The following FGF14 variants were observed in gnomAD, a reference collection of about 807,000 sequenced individuals.
The protein encoded by FGF14 is fibroblast growth factor 14, also known as fibroblast growth factor homologous factor 4.
In FGF14, 5 loss-of-function variants were observed where a neutral mutation model predicts 25.5. That is an observed-to-expected ratio of 0.20 (90% confidence interval 0.10 to 0.41). FGF14 has a LOEUF of 0.41. FGF14 is among the 10% of genes least tolerant of loss of function. The pLI is 1.00. For synonymous variants in FGF14, 138 were observed against 118.3 expected, an observed-to-expected ratio of 1.17 and a Z score of -1.08; for missense variants, 222 against 320.1, an observed-to-expected ratio of 0.69 and a Z score of 2.34.
In FGF14 at chr13:102,352,674, C is replaced by T. The variant is rs529928574; in HGVS notation, c.208+48797G>A. ...AAAAATACAAAAAATTAGCCGGGGG[C>T]GGTGGTGGGCGCCTGTAGTCCCAGC... On this transcript the variant is annotated intron_variant, in intron 1 of 4. Transcript: ENST00000376131. 5.3e-5 allele frequency among the ~76,000 whole-genome samples: 8 copies of T among 151,844 alleles called. No homozygotes were observed. In the East Asian group the frequency reaches 7.7e-4, roughly 15 times the overall value.
chr13:101,855,202 C>T (rs1182738611), intron 3 of FGF14, among the ~76,000 whole-genome samples: 1 of 151,994 alleles, frequency 6.6e-6, no homozygotes, highest in Non-Finnish European at 1.5e-5. Context: ...TTTCTTAATA[C>T]ATTAACAGTG....
At position 101,965,669 on chromosome 13, in the gene FGF14, G is replaced by A. The variant is rs557078691; in HGVS notation, c.209-90373C>T. 1.0e-3 allele frequency among the ~76,000 whole-genome samples: 136 copies of A among 132,108 alleles called. No homozygotes were observed. In the Middle Eastern group the frequency reaches 0.012, roughly 11 times the overall value. 86.7% of individuals were successfully genotyped at this position (132,108 alleles called of 152,430 possible). ...AATGTGAGATCCTAAAAAGGATTTT[G>A]TGTTAGTTTTTTTTTTTTTGTAAGT... On this transcript the variant is annotated intron_variant, in intron 1 of 4. Transcript: ENST00000376131.
rs996353122 is a variant in FGF14 at position 101,873,115 on chromosome 13, A to T, written c.304+2071T>A. On this transcript the variant is annotated intron_variant, in intron 2 of 4. Coordinates refer to ENST00000376143, the MANE Select transcript of FGF14 (RefSeq NM_004115.4). ...TCCAGTTTAGTCTTTAAAATTATTC[A>T]GATAACCAGACCTGTATGTGTGCAC... 2.0e-5 allele frequency among the ~76,000 whole-genome samples: 3 copies of T among 152,064 alleles called. No individual in the cohort carries two copies. In the South Asian group the frequency reaches 6.2e-4, roughly 31 times the overall value.
chr13:102,103,495 C>T (rs2044756982), intron 1 of FGF14, among the ~76,000 whole-genome samples: 1 of 151,564 alleles, frequency 6.6e-6, no homozygotes, highest in African/African-American at 2.4e-5. Context: ...TACAGTGCAC[C>T]TCAGGTTATA....
At chr13:102,243,241 CT>C (rs2051691722) in intron 1 of FGF14, among the ~76,000 whole-genome samples, 1 of 152,102 alleles carries the variant, frequency 6.6e-6, no homozygotes, top group Admixed American at 6.6e-5. Context: ...TTTCTATCTT[CT>C]TTAAGTGACG....
At chr13:102,031,354 C>T (rs985750340) in intron 1 of FGF14, among the ~76,000 whole-genome samples, 2 of 152,038 alleles carry the variant, frequency 1.3e-5, no homozygotes, top group South Asian at 2.1e-4. Context: ...CCTCACAACG[C>T]GTTAGGTTTC....
intron 1 of FGF14, among the ~76,000 whole-genome samples, chr13:102,242,514 T>C (rs148928526): frequency 6.6e-6 from 1 of 152,132 alleles, no homozygotes; most frequent in African/African-American, 2.4e-5. Context: ...GCAAGAGAGA[T>C]AGAGAGAGAA....
chr13:101,834,203 C>T (rs2042812136), intron 3 of FGF14, among the ~76,000 whole-genome samples: 1 of 152,076 alleles, frequency 6.6e-6, no homozygotes, highest in Non-Finnish European at 1.5e-5. Context: ...TCTGATTTCA[C>T]AGGATTCATT....
intron 1 of FGF14, among the ~76,000 whole-genome samples, chr13:102,035,415 G>C (rs1168903480): frequency 2.0e-5 from 3 of 152,070 alleles, no homozygotes; most frequent in Non-Finnish European, 4.4e-5. Context: ...TATCTGTCCT[G>C]TCCTGCAACA....
rs2046672233 is a variant in FGF14, at chr13:102,142,236, T to A, written c.208+259235A>T. On this transcript the variant is annotated intron_variant, in intron 1 of 4. Transcript: ENST00000376131. ...AGCACAATACAGTTCACAAAACTGATCCCAAATCTTGCAAATATTAGATAT... is the reference window on the plus strand; with the variant it reads ...AGCACAATACAGTTCACAAAACTGAACCCAAATCTTGCAAATATTAGATAT... Among the ~76,000 whole-genome samples, 3 of 152,190 alleles carry A rather than the reference T, an allele frequency of 2.0e-5. No homozygotes were observed. In the South Asian group the frequency reaches 6.2e-4, roughly 32 times the overall value.
At chr13:101,912,240 T>C (rs2033018712) in intron 1 of FGF14, among the ~76,000 whole-genome samples, 2 of 152,170 alleles carry the variant, frequency 1.3e-5, no homozygotes, top group South Asian at 2.1e-4. Context: ...CCATTCCTTA[T>C]ACATACTGTA....
At chr13:102,089,178 T>A (rs2044060692) in intron 1 of FGF14, among the ~76,000 whole-genome samples, 1 of 152,144 alleles carries the variant, frequency 6.6e-6, no homozygotes, top group Non-Finnish European at 1.5e-5. Flanking sequence ...TTCATTTGAG[T>A]CTAGCGTATA....
At chr13:102,097,206 G>A (rs1181516070) in intron 1 of FGF14, among the ~76,000 whole-genome samples, 1 of 152,088 alleles carries the variant, frequency 6.6e-6, no homozygotes, top group Admixed American at 6.5e-5. Context: ...ACTCTAATTG[G>A]TTAGCATGTT....
At chr13:101,981,647 A>C (rs886465271) in intron 1 of FGF14, among the ~76,000 whole-genome samples, 10 of 91,748 alleles carry the variant, frequency 1.1e-4, no homozygotes, top group African/African-American at 1.9e-4. Flanking sequence ...CATAATTAAA[A>C]AACAACAACA....
Position 102,177,539 on chromosome 13 carries a change from T to C in FGF14, c.208+223932A>G, listed in dbSNP as rs149766776. Among the ~76,000 whole-genome samples, 227 of 152,304 alleles carry C rather than the reference T, an allele frequency of 1.5e-3. 1 individual carries two copies. The highest frequency in any genetic ancestry group is 5.0e-3 in the African/African-American group (209 of 41,578). On this transcript the variant is annotated intron_variant, in intron 1 of 4. Coordinates refer to the FGF14 transcript ENST00000376131. ...CACAGTGTCTGTTACTTTTCAGAAA[T>C]ACCATTCCTTTTCTGCATTGCCTAT...
At chr13:102,038,071 A>G (rs1037870447) in intron 1 of FGF14, among the ~76,000 whole-genome samples, 2 of 152,194 alleles carry the variant, frequency 1.3e-5, no homozygotes, top group African/African-American at 4.8e-5. Context: ...TAAAAAGTCA[A>G]ATAAATACAT....
intron 1 of FGF14, among the ~76,000 whole-genome samples, chr13:102,234,687 A>T (rs1012977976): frequency 3.9e-5 from 6 of 152,308 alleles, no homozygotes; most frequent in Non-Finnish European, 7.4e-5. Flanking sequence ...TATTCTCTCA[A>T]GTTCTGTACA....
At chr13:102,056,605 A>G (rs534482586) in intron 1 of FGF14, among the ~76,000 whole-genome samples, 1 of 152,288 alleles carries the variant, frequency 6.6e-6, no homozygotes, top group South Asian at 2.1e-4. Context: ...AGCAAATTAT[A>G]TGCAATAGTT....
chr13:101,829,214 A>C (rs1250186211), intron 3 of FGF14, among the ~76,000 whole-genome samples: 1 of 152,126 alleles, frequency 6.6e-6, no homozygotes, highest in Non-Finnish European at 1.5e-5. Context: ...GCTCACAGCT[A>C]TTCTGGTTAT....
Sources: gnomAD v4.1 joint callset for allele counts (sites outside exome capture counted in the v4.1 genomes callset) on GRCh38, gnomAD v4.1.1 for gene constraint, MANE v1.5 for transcripts, NCBI Gene and HGNC (gene_info 2026-07-23, HGNC 2026-07-21) for gene names.